The following TASP1 variants were observed in gnomAD, a reference collection of about 807,000 sequenced individuals.
The protein encoded by TASP1 is taspase 1, also known as threonine aspartase 1.
TASP1 carries 16 observed loss-of-function variants against 56.6 expected under a neutral mutation model. The observed-to-expected ratio is 0.28, with a 90% CI of 0.19 to 0.43. The LOEUF (loss-of-function observed/expected upper bound fraction) is 0.43. Among genes scored for constraint, TASP1 ranks in the 20% least tolerant of loss-of-function variants. The pLI is 1.00. For synonymous variants in TASP1, 179 were observed against 184.2 expected (o/e 0.97, Z 0.23); for missense variants, 393 against 511.6 (o/e 0.77, Z 2.24).
intron 4 of TASP1, 93 bp downstream of exon 4, chr20:13,623,353 A>G (rs2048783640): frequency 9.5e-7 from 1 of 1,055,852 alleles, no homozygotes; most frequent in Non-Finnish European, 1.4e-6. Flanking sequence ...TGCTCATATA[A>G]TTTATGGTTG....
At chr20:13,489,405 T>A (rs988670474) in intron 10 of TASP1, among the ~76,000 whole-genome samples, 1 of 152,048 alleles carries the variant, frequency 6.6e-6, no homozygotes, top group Admixed American at 6.6e-5. Context: ...CATATCTGAC[T>A]AAATCCAACT....
chr20:13,228,466 A>C, the TASP1 span, among the ~76,000 whole-genome samples: 5 of 152,256 alleles, frequency 3.3e-5, no homozygotes, highest in East Asian at 7.7e-4. Context: ...CCCCCTAAGA[A>C]TTTTAAGAAT....
intron 12 of TASP1, among the ~76,000 whole-genome samples, chr20:13,430,570 C>T (rs1165836380): frequency 6.6e-6 from 1 of 152,182 alleles, no homozygotes; most frequent in Admixed American, 6.5e-5. Context: ...AGTGATTCAA[C>T]AGAGAGCCCA....
chr20:13,154,240 G>C, the TASP1 span: 10 of 1,462,750 alleles, frequency 6.8e-6, no homozygotes, highest in East Asian at 2.3e-4. Flanking sequence ...TGGGGTGAGT[G>C]AGTTCAGAAT....
the TASP1 span, among the ~76,000 whole-genome samples, chr20:13,382,181 C>T: frequency 1.3e-5 from 2 of 152,118 alleles, no homozygotes; most frequent in Non-Finnish European, 2.9e-5. Context: ...GGTCATGGCC[C>T]AAATGCCACA....
chr20:13,467,614 T>C (rs1011390637), intron 11 of TASP1, among the ~76,000 whole-genome samples: 1 of 152,156 alleles, frequency 6.6e-6, no homozygotes, highest in Non-Finnish European at 1.5e-5. Flanking sequence ...CTCTAAATAT[T>C]ACAGAATATA....
At chr20:13,458,930 A>T (rs879407413) in intron 11 of TASP1, among the ~76,000 whole-genome samples, 4 of 152,220 alleles carry the variant, frequency 2.6e-5, no homozygotes, top group African/African-American at 4.8e-5. Context: ...TGGCAAATGT[A>T]AATGAGGTTT....
intron 11 of TASP1, among the ~76,000 whole-genome samples, chr20:13,442,604 C>T (rs1436388540): frequency 2.6e-5 from 4 of 150,950 alleles, no homozygotes; most frequent in African/African-American, 5.0e-5. Flanking sequence ...ATCGTGCCCC[C>T]GCCCTCCAGC....
At chr20:13,224,832 GCTTT>G in the TASP1 span, among the ~76,000 whole-genome samples, 2,059 of 148,008 alleles carry the variant, frequency 0.014, 22 homozygotes, top group South Asian at 0.026. Context: ...ACACATACTA[GCTTT>G]CTTTCTTTTT....
At chr20:13,314,840 C>T in the TASP1 span, among the ~76,000 whole-genome samples, 18,426 of 152,034 alleles carry the variant, frequency 0.12, 1,238 homozygotes, top group Admixed American at 0.18. Context: ...TATGTTTATA[C>T]ATGCATGTAT....
At chr20:13,280,030 G>T in the TASP1 span, 2 of 830,718 alleles carry the variant, frequency 2.4e-6, no homozygotes, top group Non-Finnish European at 3.7e-6. Context: ...CCTCACAAAG[G>T]CTGTCTTCCG....
At chr20:13,492,882 T>G (rs530502958) in intron 10 of TASP1, among the ~76,000 whole-genome samples, 1 of 152,324 alleles carries the variant, frequency 6.6e-6, no homozygotes, top group African/African-American at 2.4e-5. Flanking sequence ...TAGCATTTCA[T>G]AATTATTTTT....
the TASP1 span, among the ~76,000 whole-genome samples, chr20:13,306,564 CAAAAAAAAAAA>C: frequency 0.013 from 827 of 63,932 alleles, 21 homozygotes; most frequent in African/African-American, 0.051. Context: ...GGAGAAAGGA[CAAAAAAAAAAA>C]AAAAAAAAAA....
At chr20:13,529,777 G>T (rs928615542) in intron 9 of TASP1, among the ~76,000 whole-genome samples, 4 of 152,192 alleles carry the variant, frequency 2.6e-5, no homozygotes, top group East Asian at 1.9e-4. Context: ...CTGAGGATGG[G>T]GACCAGACTT....
chr20:13,612,221 T>G (rs990973798), intron 4 of TASP1, among the ~76,000 whole-genome samples: 13 of 152,170 alleles, frequency 8.5e-5, no homozygotes, highest in African/African-American at 2.7e-4. Flanking sequence ...AGAGCCAGAT[T>G]AGTGGTCAGA....
chr20:13,484,988 G>A (rs1011363650), intron 10 of TASP1, among the ~76,000 whole-genome samples: 3 of 152,136 alleles, frequency 2.0e-5, no homozygotes, highest in Non-Finnish European at 4.4e-5. Context: ...CAGGAGGTGG[G>A]GGGCAAAGGG....
At chr20:13,403,554 G>T (rs2041815393) in intron 13 of TASP1, among the ~76,000 whole-genome samples, 1 of 152,174 alleles carries the variant, frequency 6.6e-6, no homozygotes, top group South Asian at 2.1e-4. Flanking sequence ...AGCATCAATA[G>T]ATGAGGAAAC....
At chr20:13,406,955 C>T (rs987147522) in intron 13 of TASP1, among the ~76,000 whole-genome samples, 3 of 152,098 alleles carry the variant, frequency 2.0e-5, no homozygotes, top group Non-Finnish European at 2.9e-5. Context: ...CATTAGCCAC[C>T]GTGCCCGGCT....
At chr20:13,332,993 G>A in the TASP1 span, among the ~76,000 whole-genome samples, 118 of 152,354 alleles carry the variant, frequency 7.7e-4, 1 homozygote, top group African/African-American at 2.6e-3. Context: ...GTGCAGCAAA[G>A]GAGAGCAGAC....
Sources: gnomAD v4.1 joint callset for allele counts (sites outside exome capture counted in the v4.1 genomes callset) on GRCh38, gnomAD v4.1.1 for gene constraint, MANE v1.5 for transcripts, NCBI Gene and HGNC (gene_info 2026-07-23, HGNC 2026-07-21) for gene names.